The following ATP13A5 variants were observed in gnomAD, a reference collection of about 807,000 sequenced individuals.
The protein encoded by ATP13A5 is probable cation-transporting ATPase 13A5.
In ATP13A5, 149 loss-of-function variants were observed where a neutral mutation model predicts 150.2. That is an observed-to-expected ratio of 0.99 (90% CI 0.87 to 1.14). ATP13A5 has a LOEUF of 1.14. ATP13A5 is among the 50% of genes most tolerant of loss of function. The probability of loss-of-function intolerance (pLI) is 0.00; values close to 1 mark genes in which losing one functional copy is unlikely to be tolerated. For synonymous variants in ATP13A5, 497 were observed against 522.2 expected, an observed-to-expected ratio of 0.95 and a Z score of 0.66; for missense variants, 1,383 against 1,449.3, an observed-to-expected ratio of 0.95 and a Z score of 0.74.
chr3:193,364,267 T>C lies in ATP13A5; in HGVS notation c.77A>G (p.Tyr26Cys). Reference sequence around the variant, plus strand: ...GGCTTTCCGTACATTGTGGTCCCGGTAACCAAACACCTCCTGGAGAATAAA... The same window carrying C: ...GGCTTTCCGTACATTGTGGTCCCGGCAACCAAACACCTCCTGGAGAATAAA... Reference protein sequence around the residue: ...GEEDELEVFGYRDHNVRKAFC... With the variant: ...GEEDELEVFGCRDHNVRKAFC... Residue 26 changes from tyrosine (Y) to cysteine (C), a missense_variant, in exon 2 of 30, where the codon TAC (tyrosine) becomes TGC (cysteine). This residue lies in a region of ATP13A5 where 787 missense variants were observed against 771.9 expected (regional missense o/e 1.02). Coordinates refer to ENST00000342358, the MANE Select transcript of ATP13A5 (RefSeq NM_198505.4). The C allele has an allele frequency of 1.2e-6, 2 of 1,613,480 alleles. No homozygotes were observed. Among genetic ancestry groups the C allele is most frequent in the Non-Finnish European group, 1.7e-6 (2 of 1,179,712 alleles).
At chr3:193,329,922 A>G (rs1208002604) in intron 12 of ATP13A5, among the ~76,000 whole-genome samples, 4 of 152,140 alleles carry the variant, frequency 2.6e-5, no homozygotes, top group Admixed American at 1.3e-4. Flanking sequence ...ACACCTAAAG[A>G]AATGTCACCA....
chr3:193,287,468 G>A (rs1020366430), intron 26 of ATP13A5, among the ~76,000 whole-genome samples: 7 of 152,206 alleles, frequency 4.6e-5, no homozygotes, highest in African/African-American at 1.7e-4. Flanking sequence ...GGGCCTTTAA[G>A]GATTATGCTA....
intron 1 of ATP13A5, among the ~76,000 whole-genome samples, chr3:193,375,283 G>A (rs1393436901): frequency 1.3e-5 from 2 of 152,184 alleles, no homozygotes; most frequent in African/African-American, 2.4e-5. Context: ...GTATTAGAGA[G>A]GTCAAATAAC....
At position 193,281,230 on chromosome 3, in the gene ATP13A5, G is replaced by C. The variant is rs1181275853; in HGVS notation, c.3227-1776C>G. On this transcript the variant is annotated intron_variant, in intron 27 of 29. Transcript: ENST00000342358. ...AGGAACGCAGAAGCTGGGAAGAAGAGGACGCCTGAAAGGTCTGTTCTGATG... is the reference window on the plus strand; with the variant it reads ...AGGAACGCAGAAGCTGGGAAGAAGACGACGCCTGAAAGGTCTGTTCTGATG... The C allele has an allele frequency of 6.1e-6, 6 of 985,114 alleles. No individual in the cohort carries two copies. In the South Asian group the frequency reaches 2.8e-4, roughly 46 times the overall value. 61.0% of individuals were successfully genotyped at this position (985,114 alleles called of 1,614,324 possible).
rs148548058 is a variant in ATP13A5, at chr3:193,275,902, G to A, written c.3397-600C>T. Among the ~76,000 whole-genome samples, 653 of 152,180 alleles carry A rather than the reference G, an allele frequency of 4.3e-3. 2 individuals are homozygous for A. The highest frequency in any genetic ancestry group is 0.014 in the Middle Eastern group (4 of 294). On this transcript the variant is annotated intron_variant, in intron 29 of 29. Coordinates refer to ENST00000342358, the MANE Select transcript of ATP13A5 (RefSeq NM_198505.4). Reference sequence around the variant, plus strand: ...ATTTTTATTTTATTATGGGAAGAACGTAGGTACAATATGATTAATAATGAT... The same window carrying A: ...ATTTTTATTTTATTATGGGAAGAACATAGGTACAATATGATTAATAATGAT...
intron 7 of ATP13A5, among the ~76,000 whole-genome samples, chr3:193,346,366 T>C (rs955940658): frequency 6.6e-6 from 1 of 152,090 alleles, no homozygotes; most frequent in Admixed American, 6.6e-5. Context: ...TCTTATAGGA[T>C]AACACAGGGG....
Position 193,314,114 on chromosome 3 carries a change from C to T in ATP13A5, c.2238G>A (p.Glu746=), listed in dbSNP as rs939576992. ...IPPGSQVIIV[E]ADEPEEFVPA... ...GAACAAATTCTTCTGGTTCATCGGCCTCAACAATGATCACTTGGCTGCCTG... is the reference window on the plus strand; with the variant it reads ...GAACAAATTCTTCTGGTTCATCGGCTTCAACAATGATCACTTGGCTGCCTG... Residue 746 remains glutamate, a synonymous_variant, in exon 19 of 30, where the codon GAG becomes GAA. Transcript: ENST00000342358. The T allele has an allele frequency of 5.6e-6, 9 of 1,613,958 alleles. No homozygotes were observed. The highest frequency in any genetic ancestry group is 7.6e-6 in the Non-Finnish European group (9 of 1,179,890).
chr3:193,374,683 A>G (rs1036796658), intron 1 of ATP13A5, among the ~76,000 whole-genome samples: 1 of 152,044 alleles, frequency 6.6e-6, no homozygotes, highest in Non-Finnish European at 1.5e-5. Flanking sequence ...ACGCATACAT[A>G]GTGCTATATA....
intron 29 of ATP13A5, 89 bp downstream of exon 29, chr3:193,276,661 A>G (rs1717222249): frequency 2.2e-6 from 2 of 901,492 alleles, no homozygotes; most frequent in Non-Finnish European, 3.5e-6. Context: ...TTGGGGGATC[A>G]AAGTGGTTGC....
chr3:193,376,168 C>T (rs1713634760), intron 1 of ATP13A5, among the ~76,000 whole-genome samples: 1 of 152,210 alleles, frequency 6.6e-6, no homozygotes. Context: ...GGCTACATCA[C>T]ATAAAAAGTC....
chr3:193,366,233 A>C (rs1713233530), intron 1 of ATP13A5, among the ~76,000 whole-genome samples: 1 of 152,068 alleles, frequency 6.6e-6, no homozygotes, highest in African/African-American at 2.4e-5. Context: ...AAGCAACATT[A>C]TGAAATTTAA....
intron 23 of ATP13A5, among the ~76,000 whole-genome samples, chr3:193,303,556 A>G (rs1372006338): frequency 1.3e-5 from 2 of 152,068 alleles, no homozygotes; most frequent in Non-Finnish European, 2.9e-5. Context: ...ATGTATGTAT[A>G]TATGTATATA....
intron 17 of ATP13A5, among the ~76,000 whole-genome samples, chr3:193,317,540 G>T (rs1719096178): frequency 6.6e-6 from 1 of 152,092 alleles, no homozygotes; most frequent in African/African-American, 2.4e-5. Context: ...TTAGTTTGGG[G>T]TGACTTTTTA....
chr3:193,374,870 C>T (rs564817559), intron 1 of ATP13A5, among the ~76,000 whole-genome samples: 1 of 152,234 alleles, frequency 6.6e-6, no homozygotes, highest in South Asian at 2.1e-4. Context: ...GCAAAGTGGG[C>T]TCATTATAAA....
At chr3:193,320,338 A>G (rs1719216323) in intron 16 of ATP13A5, among the ~76,000 whole-genome samples, 1 of 152,160 alleles carries the variant, frequency 6.6e-6, no homozygotes, top group African/African-American at 2.4e-5. Context: ...TTAGCTCTCT[A>G]TTTCTAAAAA....
intron 9 of ATP13A5, among the ~76,000 whole-genome samples, chr3:193,337,896 C>G (rs560058280): frequency 6.6e-6 from 1 of 152,166 alleles, no homozygotes; most frequent in Non-Finnish European, 1.5e-5. Context: ...TTTGTGTCCT[C>G]TTTTATTTCA....
chr3:193,276,849 C>T lies in ATP13A5; in HGVS notation c.3316-19G>A. 6.3e-7 allele frequency: 1 copy of T among 1,580,832 alleles called. No homozygotes were observed. The highest frequency in any genetic ancestry group is 8.7e-7 in the Non-Finnish European group (1 of 1,153,618). On this transcript the variant is annotated intron_variant, in intron 28 of 29. Transcript: ENST00000342358. ...GGATCAACTGTTGAAAAACAAATAC[C>T]ATTATTATATTTTGCACACTTCACA...
At chr3:193,323,030 G>T (rs1719340081) in intron 14 of ATP13A5, among the ~76,000 whole-genome samples, 1 of 152,158 alleles carries the variant, frequency 6.6e-6, no homozygotes, top group South Asian at 2.1e-4. Flanking sequence ...TATGTCAGCT[G>T]CTAGCAAATT....
At chr3:193,344,147 C>A in intron 8 of ATP13A5, 92 bp from the exon 9 acceptor site, 1 of 1,474,180 alleles carries the variant, frequency 6.8e-7, no homozygotes, top group Non-Finnish European at 9.1e-7. Context: ...AACCTGTTGG[C>A]CAAGAGCTAC....
Sources: allele counts gnomAD v4.1 joint callset (sites outside exome capture counted in the v4.1 genomes callset), GRCh38; gene constraint gnomAD v4.1.1; regional missense constraint gnomAD v4.1.1; transcripts MANE v1.5; gene names NCBI Gene and HGNC (gene_info 2026-07-23, HGNC 2026-07-21).